EDC3: variants seen among roughly 807,000 people sequenced by gnomAD.
EDC3 encodes enhancer of mRNA-decapping protein 3.
Under a neutral mutation model 41.8 loss-of-function variants are expected in EDC3, and 20 were observed. That is an observed-to-expected ratio of 0.48 (90% CI 0.34 to 0.70). The LOEUF (loss-of-function observed/expected upper bound fraction) is 0.70, where lower values mean the gene tolerates loss of function less well. EDC3 is among the 30% of genes least tolerant of loss of function. The pLI is 0.01. For synonymous variants in EDC3, 206 were observed against 243.2 expected (o/e 0.85, Z 1.42); for missense variants, 444 against 636.8 (o/e 0.70, Z 3.26).
At chr15:74,664,093 G>A (rs1040485562) in intron 3 of EDC3, among the ~76,000 whole-genome samples, 1 of 152,242 alleles carries the variant, frequency 6.6e-6, no homozygotes, top group African/African-American at 2.4e-5. Flanking sequence ...CAGGAAAGCA[G>A]AGTGTGAAAA....
Position 74,640,436 on chromosome 15 carries a change from T to G in EDC3, c.974+30A>C, listed in dbSNP as rs761911145. 26 of 1,610,926 alleles carry G rather than the reference T, an allele frequency of 1.6e-5. No individual in the cohort carries two copies. In the Admixed American group the frequency reaches 4.4e-4, roughly 27 times the overall value. ...CCAGGCAGAGCATCCTTACTCCACATTGAGTCCCTGCCAGTTTATAGACAT... is the reference window on the plus strand; with the variant it reads ...CCAGGCAGAGCATCCTTACTCCACAGTGAGTCCCTGCCAGTTTATAGACAT... On this transcript the variant is annotated intron_variant, in intron 5 of 6. Transcript: ENST00000315127.
intron 2 of EDC3, among the ~76,000 whole-genome samples, chr15:74,673,618 C>T (rs1023803384): frequency 2.0e-5 from 3 of 152,162 alleles, no homozygotes; most frequent in African/African-American, 7.2e-5. Flanking sequence ...GGGCAGATTA[C>T]AAGGTCAGGA....
Position 74,671,435 on chromosome 15 carries a change from A to G in EDC3, c.484+20T>C. The G allele has an allele frequency of 6.3e-7, 1 of 1,597,622 alleles. No individual in the cohort carries two copies. The highest frequency in any genetic ancestry group is 8.6e-7 in the Non-Finnish European group (1 of 1,168,316). On this transcript the variant is annotated intron_variant, in intron 3 of 6. Transcript: ENST00000315127. The surrounding 1 kb of genome is among the most constrained non-coding windows in gnomAD (Gnocchi z 4.6). ...CTGAAACACCAGATTGAGAAGAAAT[A>G]TCAACTTGACCCTACTTACAGGAGT... is the stretch of plus-strand genomic sequence containing the variant.
Position 74,666,041 on chromosome 15 carries a change from G to A in EDC3, c.484+5414C>T, listed in dbSNP as rs1383743551. 1.3e-5 allele frequency among the ~76,000 whole-genome samples: 2 copies of A among 151,844 alleles called. 1 individual carries two copies. The highest frequency in any genetic ancestry group is 4.8e-5 in the African/African-American group (2 of 41,334). ...TCAAACTCCTGAGCTCAGGCAACCT[G>A]CCCGTCCCAGCCTCCGAAAGTGTTA... On this transcript the variant is annotated intron_variant, in intron 3 of 6. Coordinates refer to ENST00000315127, the MANE Select transcript of EDC3 (RefSeq NM_025083.5).
At chr15:74,694,427 C>T (rs1036287611) in intron 1 of EDC3, among the ~76,000 whole-genome samples, 1 of 152,184 alleles carries the variant, frequency 6.6e-6, no homozygotes, top group Non-Finnish European at 1.5e-5. Flanking sequence ...CCTGCCTCAG[C>T]CTCCCAAATA....
At chr15:74,655,475 A>C (rs1329885988) in intron 4 of EDC3, among the ~76,000 whole-genome samples, 1 of 152,164 alleles carries the variant, frequency 6.6e-6, no homozygotes, top group African/African-American at 2.4e-5. Flanking sequence ...GTTGTTACTC[A>C]CAGCATACTA....
At chr15:74,691,487 T>G (rs910362030) in intron 1 of EDC3, among the ~76,000 whole-genome samples, 1 of 152,170 alleles carries the variant, frequency 6.6e-6, no homozygotes, top group African/African-American at 2.4e-5. Flanking sequence ...GAGGGCCACC[T>G]CACTTCTCAC....
At chr15:74,664,435 C>T (rs562720483) in intron 3 of EDC3, among the ~76,000 whole-genome samples, 19 of 152,376 alleles carry the variant, frequency 1.2e-4, no homozygotes, top group African/African-American at 3.4e-4. Context: ...CTTCCTGTGC[C>T]GTTTTTCTGC....
At chr15:74,656,536 C>T (rs2062550682) in intron 3 of EDC3, among the ~76,000 whole-genome samples, 1 of 152,108 alleles carries the variant, frequency 6.6e-6, no homozygotes, top group Non-Finnish European at 1.5e-5. Context: ...CATAAGGAAA[C>T]TGGTAATGAC....
At position 74,688,853 on chromosome 15, in the gene EDC3, G is replaced by C. The variant is rs192945908; in HGVS notation, c.-19+7027C>G. The stretch of plus-strand genomic sequence containing the variant: ...ACTGGGGAGGCGGAGGTTGCAGTGA[G>C]CCAAGATCCTGCTACTGCACTCCAG... On this transcript the variant is annotated intron_variant, in intron 1 of 6. Coordinates refer to ENST00000315127, the MANE Select transcript of EDC3 (RefSeq NM_025083.5). 3.8e-4 allele frequency among the ~76,000 whole-genome samples: 58 copies of C among 150,712 alleles called. 1 individual carries two copies. In the East Asian group the frequency reaches 0.011, roughly 27 times the overall value.
At chr15:74,633,905 G>A (rs1198077562) in intron 6 of EDC3, among the ~76,000 whole-genome samples, 3 of 152,152 alleles carry the variant, frequency 2.0e-5, no homozygotes, top group Non-Finnish European at 4.4e-5. Context: ...AGTCCCTGTG[G>A]GTGATGAGGC....
Position 74,635,554 on chromosome 15 carries a change from C to T in EDC3, c.1047G>A (p.Gln349=). The change falls in exon 6 of 7, where the codon CAG becomes CAA. Residue 349 remains glutamine (Q), a synonymous_variant. Transcript: ENST00000315127. ...LLCGPHVKGA[Q]GISCGRHLAN... ...CTAGGTGCCTTCCACAGCTGATACC[C>T]TGAGCCCCCTTCACATGAGGTCCAC... is the stretch of plus-strand genomic sequence containing the variant. 2 of 1,614,264 alleles carry T rather than the reference C, an allele frequency of 1.2e-6. No homozygotes were observed. Among genetic ancestry groups the T allele is most frequent in the East Asian group, 2.2e-5 (1 of 44,892 alleles).
intron 1 of EDC3, among the ~76,000 whole-genome samples, chr15:74,683,567 C>T (rs772201402): frequency 4.9e-4 from 75 of 151,830 alleles, no homozygotes; most frequent in Non-Finnish European, 7.7e-4. Context: ...AAATATTTTA[C>T]ATCTTGACCA....
At position 74,632,385 on chromosome 15, in the gene EDC3, G is replaced by A. The variant is rs1334990448; in HGVS notation, c.*227C>T. The A allele has an allele frequency of 8.5e-6, 5 of 587,388 alleles. No individual in the cohort carries two copies. The highest frequency in any genetic ancestry group is 2.1e-5 in the South Asian group (1 of 48,408). 36.4% of individuals were successfully genotyped at this position (587,388 alleles called of 1,614,324 possible). A position where few individuals can be genotyped will look rare whatever the true frequency, so the allele number is the denominator to read the frequency against. On this transcript the variant is annotated 3_prime_UTR_variant, in exon 7 of 7. Coordinates refer to ENST00000315127, the MANE Select transcript of EDC3 (RefSeq NM_025083.5). This position sits in a 1 kb window ranked among gnomAD's most constrained non-coding sequence, Gnocchi z 4.0. The stretch of plus-strand genomic sequence containing the variant: ...CAGGGGGCTGAGGGTAGAGATGCCT[G>A]GAGTTGCTGCACGCTCAGCCTGCCA...
chr15:74,659,539 T>G (rs1438201602), intron 3 of EDC3, among the ~76,000 whole-genome samples: 6 of 147,854 alleles, frequency 4.1e-5, no homozygotes, highest in Non-Finnish European at 8.9e-5. Context: ...ATGATGTGAT[T>G]AGAGTTAGAA....
At chr15:74,641,676 T>C (rs1027909368) in intron 4 of EDC3, 1 of 152,848 alleles carries the variant, frequency 6.5e-6, no homozygotes, top group Non-Finnish European at 1.5e-5. Flanking sequence ...AGCAAGCCAC[T>C]GTGGGACTGC....
At chr15:74,644,460 A>G (rs1320847177) in intron 4 of EDC3, 3 of 152,120 alleles carry the variant, frequency 2.0e-5, no homozygotes, top group Non-Finnish European at 2.9e-5. Flanking sequence ...TAGTTGAACA[A>G]TGAGAACACA....
At chr15:74,648,243 T>G (rs956970481) in intron 4 of EDC3, among the ~76,000 whole-genome samples, 1 of 152,202 alleles carries the variant, frequency 6.6e-6, no homozygotes, top group African/African-American at 2.4e-5. Flanking sequence ...CAAAACAGAT[T>G]TCTTGACTAC....
intron 4 of EDC3, among the ~76,000 whole-genome samples, chr15:74,651,262 T>A (rs1203479645): frequency 1.7e-4 from 26 of 152,196 alleles, no homozygotes; most frequent in Non-Finnish European, 1.5e-5. Context: ...CTGGACACCA[T>A]TATTTAGCAG....
Sources: allele counts gnomAD v4.1 joint callset (sites outside exome capture counted in the v4.1 genomes callset), GRCh38; gene constraint gnomAD v4.1.1; non-coding constraint Gnocchi (gnomAD v3.1); transcripts MANE v1.5; gene names NCBI Gene and HGNC (gene_info 2026-07-23, HGNC 2026-07-21).